SYNPR: variants seen among roughly 807,000 people sequenced by gnomAD.
SYNPR encodes synaptoporin.
SYNPR carries 23 observed loss-of-function variants against 32.9 expected under a neutral mutation model. The ratio of observed to expected loss-of-function variants is 0.70; its 90% CI spans 0.50 to 0.99. The LOEUF is 0.99. Among genes scored for constraint, SYNPR ranks in the 50% least tolerant of loss-of-function variants. SYNPR has a pLI of 0.00. For synonymous variants in SYNPR, 146 were observed against 135.9 expected, an observed-to-expected ratio of 1.07 and a Z score of -0.52; for missense variants, 318 against 349.3, an observed-to-expected ratio of 0.91 and a Z score of 0.71.
chr3:63,426,262 T>G (rs1372138473), intron 2 of SYNPR, among the ~76,000 whole-genome samples: 1 of 152,206 alleles, frequency 6.6e-6, no homozygotes, highest in Non-Finnish European at 1.5e-5. Context: ...ACGTTATTCT[T>G]TTAATCATTG....
At chr3:63,257,991 T>C (rs565207201) in intron 2 of SYNPR, among the ~76,000 whole-genome samples, 2,004 of 152,102 alleles carry the variant, frequency 0.013, 39 homozygotes, top group African/African-American at 0.046. Context: ...TACATAATGG[T>C]AAAGGGATCA....
intron 3 of SYNPR, among the ~76,000 whole-genome samples, chr3:63,539,087 C>T (rs1244071290): frequency 6.6e-6 from 1 of 152,062 alleles, no homozygotes; most frequent in Non-Finnish European, 1.5e-5. Context: ...TCTTTCTTCC[C>T]TTCTTCTGCT....
At chr3:63,541,386 A>C (rs1165335599) in intron 3 of SYNPR, among the ~76,000 whole-genome samples, 1 of 152,056 alleles carries the variant, frequency 6.6e-6, no homozygotes, top group South Asian at 2.1e-4. Flanking sequence ...TTCTTATAAG[A>C]CTCAACCAAC....
intron 3 of SYNPR, among the ~76,000 whole-genome samples, chr3:63,524,852 C>CGTGTGT (rs1559526050): frequency 6.4e-5 from 4 of 62,090 alleles, no homozygotes; most frequent in African/African-American, 1.8e-4. Context: ...TGTGTGTGTG[C>CGTGTGT]ATGTGTGTGT....
At chr3:63,464,072 AAAG>A (rs1274969524) in intron 2 of SYNPR, among the ~76,000 whole-genome samples, 1 of 152,182 alleles carries the variant, frequency 6.6e-6, no homozygotes, top group Non-Finnish European at 1.5e-5. Context: ...TGTTTAGAGT[AAAG>A]AAGGGATGCA....
At chr3:63,248,973 T>A (rs929073316) in intron 1 of SYNPR, among the ~76,000 whole-genome samples, 9 of 152,042 alleles carry the variant, frequency 5.9e-5, no homozygotes, top group African/African-American at 1.2e-4. Context: ...TTTTTACCTA[T>A]CCCTATATAA....
At chr3:63,526,168 T>C (rs568273276) in intron 3 of SYNPR, among the ~76,000 whole-genome samples, 34 of 152,296 alleles carry the variant, frequency 2.2e-4, no homozygotes, top group African/African-American at 7.9e-4. Flanking sequence ...ACATTGGGGA[T>C]CAAATTTCCA....
chr3:63,369,993 T>C (rs2087775916), intron 2 of SYNPR, among the ~76,000 whole-genome samples: 1 of 152,164 alleles, frequency 6.6e-6, no homozygotes, highest in Non-Finnish European at 1.5e-5. Flanking sequence ...GAATGAACCA[T>C]TTTGAGTTAC....
chr3:63,367,258 CAG>C (rs2087737395), intron 2 of SYNPR, among the ~76,000 whole-genome samples: 1 of 152,124 alleles, frequency 6.6e-6, no homozygotes, highest in Non-Finnish European at 1.5e-5. Context: ...TGTAAAAATT[CAG>C]AGTGTTGAGT....
At chr3:63,610,696 A>C in intron 5 of SYNPR, 1 of 421,452 alleles carries the variant, frequency 2.4e-6, no homozygotes, top group Non-Finnish European at 4.2e-6. Context: ...TATAGACAGT[A>C]TTTAATGAAA....
At chr3:63,517,912 T>C (rs922174076) in intron 3 of SYNPR, among the ~76,000 whole-genome samples, 5 of 152,028 alleles carry the variant, frequency 3.3e-5, no homozygotes, top group African/African-American at 1.2e-4. Context: ...AATAGGGAAA[T>C]AAAATTATAG....
Position 63,553,148 on chromosome 3 carries a change from T to C in SYNPR, c.210-3395T>C, listed in dbSNP as rs537541015. Reference sequence around the variant, plus strand: ...TTGTTCCCATGTTTACGTCTGTGTGTGCTTCATGTTTAGCTCCCACTGATA... The same window carrying C: ...TTGTTCCCATGTTTACGTCTGTGTGCGCTTCATGTTTAGCTCCCACTGATA... On this transcript the variant is annotated intron_variant, in intron 3 of 5. Transcript: ENST00000478300. Among the ~76,000 whole-genome samples the C allele has an allele frequency of 1.8e-4, 28 of 152,282 alleles. No homozygotes were observed. The South Asian group carries it at 5.8e-3, about 32-fold the overall frequency.
intron 3 of SYNPR, among the ~76,000 whole-genome samples, chr3:63,516,208 C>G (rs982750262): frequency 9.9e-5 from 15 of 152,134 alleles, no homozygotes; most frequent in African/African-American, 2.9e-4. Flanking sequence ...TGCTGCCCAT[C>G]ATGGTTTTGG....
intron 2 of SYNPR, among the ~76,000 whole-genome samples, chr3:63,364,383 T>C (rs1249244152): frequency 2.0e-5 from 3 of 152,168 alleles, no homozygotes; most frequent in African/African-American, 7.2e-5. Context: ...AGCCAAATTG[T>C]AGGACAAATA....
At chr3:63,437,102 C>T (rs1255910262) in intron 2 of SYNPR, among the ~76,000 whole-genome samples, 2 of 152,118 alleles carry the variant, frequency 1.3e-5, no homozygotes, top group Non-Finnish European at 2.9e-5. Flanking sequence ...GTCTCAAACT[C>T]CTGACCTCAA....
intron 2 of SYNPR, among the ~76,000 whole-genome samples, chr3:63,402,303 G>A (rs896311389): frequency 6.6e-6 from 1 of 152,164 alleles, no homozygotes; most frequent in Non-Finnish European, 1.5e-5. Context: ...TCCAGGCTTT[G>A]TCAGATGTCC....
At chr3:63,310,594 C>G (rs945598693) in intron 2 of SYNPR, among the ~76,000 whole-genome samples, 2 of 151,990 alleles carry the variant, frequency 1.3e-5, no homozygotes, top group African/African-American at 4.8e-5. Context: ...CCTATGTCCT[C>G]TCAGATCCAA....
rs1228058292 is a variant in SYNPR at position 63,283,284 on chromosome 3, C to T, written c.84+4542C>T. Among the ~76,000 whole-genome samples, 5 of 152,132 alleles carry T rather than the reference C, an allele frequency of 3.3e-5. No individual in the cohort carries two copies. The East Asian group carries it at 7.7e-4, about 23-fold the overall frequency. On this transcript the variant is annotated intron_variant, in intron 2 of 5. Coordinates refer to ENST00000478300, the MANE Select transcript of SYNPR (RefSeq NM_001130003.2). Reference sequence around the variant, plus strand: ...GTGTTCTTTCCTTAGGAAGGGTTCACGGATACAGTAGATTTAAAGTCTTAA... The same window carrying T: ...GTGTTCTTTCCTTAGGAAGGGTTCATGGATACAGTAGATTTAAAGTCTTAA...
At chr3:63,363,326 T>C (rs918956326) in intron 2 of SYNPR, among the ~76,000 whole-genome samples, 3 of 152,248 alleles carry the variant, frequency 2.0e-5, no homozygotes, top group Non-Finnish European at 4.4e-5. Context: ...TCACAATTTA[T>C]GCATAATCTC....
Sources: allele counts gnomAD v4.1 joint callset (sites outside exome capture counted in the v4.1 genomes callset), GRCh38; gene constraint gnomAD v4.1.1; transcripts MANE v1.5; gene names NCBI Gene and HGNC (gene_info 2026-07-23, HGNC 2026-07-21).